Variants in ZMYM4 observed in about 807,000 individuals in gnomAD.
ZMYM4 encodes zinc finger MYM-type containing 4, also known as zinc finger MYM-type protein 4.
Under a neutral mutation model 183.2 loss-of-function variants are expected in ZMYM4, and 31 were observed. The ratio of observed to expected loss-of-function variants is 0.17; its 90% confidence interval spans 0.13 to 0.23. ZMYM4 has a LOEUF of 0.23. Among genes scored for constraint, ZMYM4 ranks in the 10% least tolerant of loss-of-function variants. The probability of loss-of-function intolerance (pLI) is 1.00; values close to 1 mark genes in which losing one functional copy is unlikely to be tolerated. For synonymous variants in ZMYM4, 592 were observed against 631.2 expected, an observed-to-expected ratio of 0.94 and a Z score of 0.93; for missense variants, 1,273 against 1,840.3, an observed-to-expected ratio of 0.69 and a Z score of 5.64.
chr1:35,372,803 G>A (rs2148941005), intron 7 of ZMYM4, among the ~76,000 whole-genome samples: 1 of 152,310 alleles, frequency 6.6e-6, no homozygotes. Context: ...CGCTCAAAAA[G>A]TTTCAGATAC....
chr1:35,382,256 A>ATATGTATGT (rs1410390983), intron 9 of ZMYM4, among the ~76,000 whole-genome samples: 27 of 150,750 alleles, frequency 1.8e-4, no homozygotes, highest in Admixed American at 1.7e-3. Context: ...ATATATGTAA[A>ATATGTATGT]TATGTATGTG....
intron 2 of ZMYM4, among the ~76,000 whole-genome samples, chr1:35,345,351 T>G (rs1447113268): frequency 1.3e-5 from 2 of 152,212 alleles, no homozygotes; most frequent in African/African-American, 4.8e-5. Context: ...GACCTCCAGT[T>G]GTTTATAATA....
At chr1:35,397,317 A>T (rs930587597) in intron 19 of ZMYM4, 60 bp from the exon 20 acceptor site, 6 of 1,433,326 alleles carry the variant, frequency 4.2e-6, no homozygotes, top group Non-Finnish European at 4.6e-6. Context: ...CTCACAAATC[A>T]TACTTTTGGC....
At chr1:35,331,521 C>T (rs1436626307) in intron 2 of ZMYM4, among the ~76,000 whole-genome samples, 1 of 152,090 alleles carries the variant, frequency 6.6e-6, no homozygotes, top group Non-Finnish European at 1.5e-5. Flanking sequence ...CGCAGTGGCT[C>T]ACGCCTGTAA....
intron 7 of ZMYM4, among the ~76,000 whole-genome samples, chr1:35,372,006 G>A (rs1644225109): frequency 6.6e-6 from 1 of 151,982 alleles, no homozygotes; most frequent in Non-Finnish European, 1.5e-5. Context: ...TTTTGTTTTG[G>A]GACTATCTTT....
intron 7 of ZMYM4, among the ~76,000 whole-genome samples, chr1:35,372,084 T>G (rs1644227138): frequency 6.6e-6 from 1 of 152,200 alleles, no homozygotes; most frequent in African/African-American, 2.4e-5. Flanking sequence ...AGTGCTTATT[T>G]ACTGTTCACA....
chr1:35,419,874 CT>C lies in ZMYM4; in HGVS notation c.*200del. ...GAAAGAATATGAACTGAGAAATGTTCTTTGGCAGTGATATAGTTCTTAGACA... is the reference window on the plus strand; with the variant it reads ...GAAAGAATATGAACTGAGAAATGTTCTTGGCAGTGATATAGTTCTTAGACA... On this transcript the variant is annotated 3_prime_UTR_variant, in exon 30 of 30. Coordinates refer to ENST00000314607, the MANE Select transcript of ZMYM4 (RefSeq NM_005095.3). 1.7e-6 allele frequency: 1 copy of C among 591,818 alleles called. No individual in the cohort carries two copies. Among genetic ancestry groups the C allele is most frequent in the East Asian group, 2.9e-5 (1 of 34,510 alleles). 36.7% of individuals were successfully genotyped at this position (591,818 alleles called of 1,614,324 possible).
At position 35,268,975 on chromosome 1, in the gene ZMYM4, C is replaced by T. The variant is rs910743290; in HGVS notation, c.-72C>T. 7.5e-6 allele frequency: 11 copies of T among 1,466,700 alleles called. No individual in the cohort carries two copies. The highest frequency in any genetic ancestry group is 2.9e-5 in the African/African-American group (2 of 68,012). 90.9% of individuals were successfully genotyped at this position (1,466,700 alleles called of 1,614,324 possible). A position where few individuals can be genotyped will look rare whatever the true frequency, so the allele number is the denominator to read the frequency against. On this transcript the variant is annotated 5_prime_UTR_variant, in exon 1 of 30. Transcript: ENST00000314607. ...GAGGCGGCCGTGCCTGCAGTGTGGG[C>T]GGGGGCCGGGGGGCCGAGAGGTACC...
Position 35,361,209 on chromosome 1 carries a change from A to G in ZMYM4, c.623A>G (p.Glu208Gly). Reference protein sequence around the residue: ...FFDKAANQVEETLHTHLPQTP... With the variant: ...FFDKAANQVEGTLHTHLPQTP... ...CTTTCAATAGCTAATCAAGTTGAAGAAACATTACATACCCATTTACCACAA... is the reference window on the plus strand; with the variant it reads ...CTTTCAATAGCTAATCAAGTTGAAGGAACATTACATACCCATTTACCACAA... The change falls in exon 4 of 30, where the codon GAA (glutamate) becomes GGA (glycine). Residue 208 changes from glutamate (E) to glycine (G), a missense_variant. Glu to Gly is a moderately conservative substitution (Grantham distance 98). Around this residue, in one of 6 missense-constraint regions of ZMYM4, gnomAD observed 384 missense variants for 465.6 expected, o/e 0.82. Coordinates refer to ENST00000314607, the MANE Select transcript of ZMYM4 (RefSeq NM_005095.3). 6.2e-7 allele frequency: 1 copy of G among 1,602,786 alleles called. No homozygotes were observed. The highest frequency in any genetic ancestry group is 8.5e-7 in the Non-Finnish European group (1 of 1,175,856).
intron 3 of ZMYM4, 59 bp downstream of exon 3, chr1:35,359,505 A>G: frequency 1.4e-6 from 2 of 1,423,288 alleles, no homozygotes; most frequent in East Asian, 4.7e-5. Context: ...ATCATAATAT[A>G]TAGCTTTTAT....
rs547864453 is a variant in ZMYM4 at position 35,345,574 on chromosome 1, C to T, written c.86-13351C>T. ...GGCTCAAGCAATTCTCCGGCCTCAG[C>T]TTCCTGAGGATTACTGGTGCATGCC... On this transcript the variant is annotated intron_variant, in intron 2 of 29. Coordinates refer to ENST00000314607, the MANE Select transcript of ZMYM4 (RefSeq NM_005095.3). Among the ~76,000 whole-genome samples, 176 of 152,142 alleles carry T rather than the reference C, an allele frequency of 1.2e-3. 2 individuals are homozygous for T. The highest frequency in any genetic ancestry group is 4.1e-3 in the African/African-American group (169 of 41,524).
rs564867965 is a variant in ZMYM4, at chr1:35,276,197, G to A, written c.39+7112G>A. ...TGACATGCATATTATACATTTATAA[G>A]CCAAAAATTAATCTACTATTCCTGT... On this transcript the variant is annotated intron_variant, in intron 1 of 29. Coordinates refer to ENST00000314607, the MANE Select transcript of ZMYM4 (RefSeq NM_005095.3). Among the ~76,000 whole-genome samples the A allele has an allele frequency of 7.2e-5, 11 of 151,952 alleles. No homozygotes were observed. The South Asian group carries it at 2.1e-3, about 29-fold the overall frequency.
intron 1 of ZMYM4, among the ~76,000 whole-genome samples, chr1:35,279,819 A>G (rs1294081793): frequency 6.6e-6 from 1 of 152,084 alleles, no homozygotes; most frequent in Admixed American, 6.5e-5. Context: ...CATATTCTTT[A>G]TTTACTTCTG....
At chr1:35,374,074 C>G (rs2148945795) in intron 7 of ZMYM4, among the ~76,000 whole-genome samples, 2 of 133,414 alleles carry the variant, frequency 1.5e-5, no homozygotes, top group East Asian at 4.6e-4. Flanking sequence ...TCTTGTTGCC[C>G]AGGCTGGAGT....
At chr1:35,413,087 G>C (rs1427066849) in intron 26 of ZMYM4, among the ~76,000 whole-genome samples, 1 of 151,890 alleles carries the variant, frequency 6.6e-6, no homozygotes, top group East Asian at 1.9e-4. Context: ...CTGTTACCCA[G>C]GCTGAAGTGC....
At chr1:35,418,358 T>C (rs1640204749) in intron 28 of ZMYM4, 85 bp from the exon 29 acceptor site, 1 of 1,457,402 alleles carries the variant, frequency 6.9e-7, no homozygotes. Context: ...AAGTTCTGGC[T>C]GCGAAGCAAA....
At chr1:35,279,891 GTGTA>G (rs1640060436) in intron 1 of ZMYM4, among the ~76,000 whole-genome samples, 1 of 152,114 alleles carries the variant, frequency 6.6e-6, no homozygotes, top group Non-Finnish European at 1.5e-5. Flanking sequence ...TCACAATTCT[GTGTA>G]TGTATTCTCT....
Position 35,370,501 on chromosome 1 carries a change from A to G in ZMYM4, c.1055A>G (p.Gln352Arg). 6.2e-7 allele frequency: 1 copy of G among 1,613,748 alleles called. No individual in the cohort carries two copies. Among genetic ancestry groups the G allele is most frequent in the East Asian group, 2.2e-5 (1 of 44,868 alleles). Residue 352 changes from glutamine to arginine, a missense_variant, in exon 7 of 30, where the codon CAA becomes CGA. Gln to Arg is a conservative substitution (Grantham distance 43, BLOSUM62 1). Coordinates refer to ENST00000314607, the MANE Select transcript of ZMYM4 (RefSeq NM_005095.3). ...TGTAAAAAAATCCTCCAGAAGGGGC[A>G]AACTGCTTATCAGAGGAAAGGGTCT... ...SGCKKILQKGQTAYQRKGSTQ... is the reference protein window; with the variant it reads ...SGCKKILQKGRTAYQRKGSTQ...
At chr1:35,273,603 G>A (rs1410420133) in intron 1 of ZMYM4, among the ~76,000 whole-genome samples, 3 of 152,064 alleles carry the variant, frequency 2.0e-5, no homozygotes, top group African/African-American at 7.2e-5. Flanking sequence ...TTAAATTTGA[G>A]ATGTATATAC....
Sources: allele counts gnomAD v4.1 joint callset (sites outside exome capture counted in the v4.1 genomes callset), GRCh38; gene constraint gnomAD v4.1.1; regional missense constraint gnomAD v4.1.1; transcripts MANE v1.5; gene names NCBI Gene and HGNC (gene_info 2026-07-23, HGNC 2026-07-21).